Variants in XKR4 observed in about 807,000 individuals in gnomAD.
The protein encoded by XKR4 is XK-related protein 4.
Under a neutral mutation model 53.9 loss-of-function variants are expected in XKR4, and 12 were observed. That is an observed-to-expected ratio of 0.22 (90% CI 0.14 to 0.36). XKR4 has a LOEUF of 0.36. XKR4 is among the 10% of genes least tolerant of loss of function. The pLI is 1.00. For missense variants in XKR4, 799 were observed against 859.5 expected, an observed-to-expected ratio of 0.93 and a Z score of 0.88; for synonymous variants, 354 against 362.4, an observed-to-expected ratio of 0.98 and a Z score of 0.26.
At chr8:55,298,028 T>C (rs953072450) in intron 1 of XKR4, among the ~76,000 whole-genome samples, 1 of 152,188 alleles carries the variant, frequency 6.6e-6, no homozygotes, top group South Asian at 2.1e-4. Context: ...ATATGATTAG[T>C]TACATTTACA....
chr8:55,120,046 T>C (rs774069730), intron 1 of XKR4, among the ~76,000 whole-genome samples: 2 of 152,190 alleles, frequency 1.3e-5, no homozygotes, highest in Non-Finnish European at 2.9e-5. Flanking sequence ...CCCTGAACTT[T>C]TACAATGGTG....
chr8:55,525,882 T>C lies in XKR4; in HGVS notation c.*1655T>C, dbSNP rs1806876245. ...GCCTGCCTCAGCAGATTGAAAACAT[T>C]TGTCTCTTGCAAGATCACCCTACTT... On this transcript the variant is annotated 3_prime_UTR_variant, in exon 3 of 3. Coordinates refer to ENST00000327381, the MANE Select transcript of XKR4 (RefSeq NM_052898.2). 1 of 152,556 alleles carries C rather than the reference T, an allele frequency of 6.6e-6. No individual in the cohort carries two copies. Among genetic ancestry groups the C allele is most frequent in the African/African-American group, 2.4e-5 (1 of 41,446 alleles). The allele number at this position is 152,556 out of a possible 1,614,324, so 9.5% of individuals were successfully genotyped here. A position where few individuals can be genotyped will look rare whatever the true frequency, so the allele number is the denominator to read the frequency against.
intron 2 of XKR4, among the ~76,000 whole-genome samples, chr8:55,359,018 C>G (rs184280182): frequency 1.6e-4 from 24 of 152,290 alleles, no homozygotes; most frequent in Admixed American, 9.2e-4. Flanking sequence ...TTCATAGATT[C>G]CTGGCCCAAC....
chr8:55,395,382 A>G (rs949382661), intron 2 of XKR4, among the ~76,000 whole-genome samples: 9 of 151,904 alleles, frequency 5.9e-5, no homozygotes, highest in Non-Finnish European at 8.8e-5. Flanking sequence ...GAGAGAGTCC[A>G]GGAAAGGCAT....
At chr8:55,372,436 C>T (rs1165634409) in intron 2 of XKR4, among the ~76,000 whole-genome samples, 1 of 152,086 alleles carries the variant, frequency 6.6e-6, no homozygotes, top group Non-Finnish European at 1.5e-5. Context: ...CTAAAAATAA[C>T]CATGTGAATG....
intron 2 of XKR4, among the ~76,000 whole-genome samples, chr8:55,466,380 C>T (rs1805768465): frequency 6.6e-6 from 1 of 151,894 alleles, no homozygotes; most frequent in Admixed American, 6.6e-5. Flanking sequence ...CAAACTATTG[C>T]AAGGACTAAA....
At chr8:55,419,323 T>G (rs1804893071) in intron 2 of XKR4, among the ~76,000 whole-genome samples, 1 of 152,122 alleles carries the variant, frequency 6.6e-6, no homozygotes, top group Admixed American at 6.5e-5. Flanking sequence ...AGGCAGAGAT[T>G]GCAGTGAGCC....
chr8:55,250,927 C>T (rs937521714), intron 1 of XKR4, among the ~76,000 whole-genome samples: 7 of 152,172 alleles, frequency 4.6e-5, no homozygotes, highest in Non-Finnish European at 8.8e-5. Context: ...CAGTGGTCAA[C>T]ATAATTCATC....
intron 2 of XKR4, among the ~76,000 whole-genome samples, chr8:55,500,099 C>T (rs1003917277): frequency 6.7e-6 from 1 of 149,748 alleles, no homozygotes; most frequent in African/African-American, 2.5e-5. Flanking sequence ...TCGAAATGCT[C>T]TGTGCTGCAG....
intron 1 of XKR4, among the ~76,000 whole-genome samples, chr8:55,207,123 G>A (rs985952010): frequency 6.6e-6 from 1 of 152,214 alleles, no homozygotes; most frequent in East Asian, 1.9e-4. Context: ...GCCCCAGATG[G>A]CATGGTGCTC....
intron 1 of XKR4, among the ~76,000 whole-genome samples, chr8:55,253,750 T>C (rs1818394199): frequency 6.6e-6 from 1 of 150,584 alleles, no homozygotes; most frequent in South Asian, 2.1e-4. Context: ...TTTTTTTTTT[T>C]TGAGACAGGG....
intron 2 of XKR4, among the ~76,000 whole-genome samples, chr8:55,522,112 A>G (rs1474976414): frequency 1.3e-5 from 2 of 152,224 alleles, no homozygotes; most frequent in Admixed American, 1.3e-4. Context: ...AAAGGAGGCC[A>G]GTGTGTTTTT....
intron 1 of XKR4, among the ~76,000 whole-genome samples, chr8:55,217,035 G>T (rs1260852443): frequency 1.3e-5 from 2 of 151,994 alleles, no homozygotes; most frequent in Admixed American, 6.6e-5. Flanking sequence ...GAGGTCAGGA[G>T]ATCGAGACCA....
At chr8:55,500,800 A>G (rs905356175) in intron 2 of XKR4, among the ~76,000 whole-genome samples, 1 of 152,214 alleles carries the variant, frequency 6.6e-6, no homozygotes, top group Non-Finnish European at 1.5e-5. Flanking sequence ...TCCCTATTCC[A>G]CAAATGAGAA....
intron 2 of XKR4, chr8:55,454,297 C>A (rs770756846): frequency 3.5e-6 from 5 of 1,435,524 alleles, no homozygotes; most frequent in Non-Finnish European, 4.9e-6. Context: ...CCTGGAAGGC[C>A]GCATTGACCC....
chr8:55,357,575 T>C (rs2129384350), intron 1 of XKR4, 103 bp from the exon 2 acceptor site: 1 of 1,201,462 alleles, frequency 8.3e-7, no homozygotes. Context: ...TTGTTTCTTG[T>C]GCTTGCTTGC....
chr8:55,482,406 G>A (rs1457760630), intron 2 of XKR4, among the ~76,000 whole-genome samples: 2 of 152,186 alleles, frequency 1.3e-5, no homozygotes, highest in Admixed American at 6.5e-5. Context: ...TGGGGTCGGG[G>A]CATGGGGGAG....
At chr8:55,450,135 C>A in intron 2 of XKR4, 1 of 689,920 alleles carries the variant, frequency 1.4e-6, no homozygotes, top group South Asian at 1.4e-5. Context: ...TCAGCTCTGT[C>A]TCCAACCTCT....
intron 1 of XKR4, among the ~76,000 whole-genome samples, chr8:55,184,614 C>T (rs533528928): frequency 2.0e-5 from 3 of 152,218 alleles, no homozygotes; most frequent in Admixed American, 6.5e-5. Flanking sequence ...ATTACATTGG[C>T]TCTTCTTTGG....
Sources: allele counts gnomAD v4.1 joint callset (sites outside exome capture counted in the v4.1 genomes callset), GRCh38; gene constraint gnomAD v4.1.1; transcripts MANE v1.5; gene names NCBI Gene and HGNC (gene_info 2026-07-23, HGNC 2026-07-21).